The following COL25A1 variants were observed in gnomAD, a reference collection of about 807,000 sequenced individuals.
The protein encoded by COL25A1 is collagen type XXV alpha 1 chain.
COL25A1 carries 103 observed loss-of-function variants against 128.4 expected under a neutral mutation model. The observed-to-expected ratio is 0.80, with a 90% CI of 0.68 to 0.94. COL25A1 has a LOEUF of 0.94. Ranked by LOEUF, COL25A1 falls within the 40% of genes least tolerant of loss-of-function variation. The pLI, the probability that COL25A1 is intolerant of heterozygous loss-of-function variation, is 0.00. For synonymous variants in COL25A1, 279 were observed against 277.2 expected (o/e 1.01, Z -0.06); for missense variants, 745 against 840.0 (o/e 0.89, Z 1.40).
intron 3 of COL25A1, among the ~76,000 whole-genome samples, chr4:109,189,565 A>G (rs1243859497): frequency 6.6e-6 from 1 of 151,636 alleles, no homozygotes; most frequent in Non-Finnish European, 1.5e-5. Flanking sequence ...AAAAAAAAAA[A>G]AAAAAGATTT....
chr4:109,201,462 G>A (rs1271987877), intron 3 of COL25A1, among the ~76,000 whole-genome samples: 1 of 152,056 alleles, frequency 6.6e-6, no homozygotes, highest in Non-Finnish European at 1.5e-5. Context: ...AAAACACACA[G>A]CAAACTAAGA....
Position 108,937,846 on chromosome 4 carries a change from TA to T in COL25A1, c.673-4del. The T allele has an allele frequency of 6.2e-7, 1 of 1,602,930 alleles. No homozygotes were observed. On this transcript the variant is annotated splice_region_variant and splice_polypyrimidine_tract_variant and intron_variant, in intron 10 of 37. Coordinates refer to ENST00000399132, the MANE Select transcript of COL25A1 (RefSeq NM_198721.4). ...TCTCCTGGCTTTCCTGGTTCACCCT[TA>T]AAAAAGAATAGTGATAATTTTAGTA...
chr4:108,988,602 G>A (rs1454849751), intron 6 of COL25A1, among the ~76,000 whole-genome samples: 2 of 152,080 alleles, frequency 1.3e-5, no homozygotes, highest in East Asian at 3.9e-4. Context: ...TACATTTTTG[G>A]CTCCTGTTTC....
At chr4:108,994,816 C>T (rs1282771755) in intron 6 of COL25A1, among the ~76,000 whole-genome samples, 2 of 152,198 alleles carry the variant, frequency 1.3e-5, no homozygotes, top group African/African-American at 2.4e-5. Context: ...GCTAGTGATA[C>T]CCAGGCAAAC....
At chr4:109,245,309 G>GT (rs1404356383) in intron 3 of COL25A1, among the ~76,000 whole-genome samples, 1 of 152,160 alleles carries the variant, frequency 6.6e-6, no homozygotes, top group East Asian at 1.9e-4. Flanking sequence ...GGTCCTCTGG[G>GT]TTGGGACTGG....
intron 5 of COL25A1, among the ~76,000 whole-genome samples, chr4:109,038,888 C>T (rs1285563331): frequency 6.6e-6 from 1 of 152,150 alleles, no homozygotes; most frequent in Non-Finnish European, 1.5e-5. Context: ...TATAGTTCTT[C>T]CTTGAAACAG....
chr4:109,196,155 A>C (rs542491495), intron 3 of COL25A1, among the ~76,000 whole-genome samples: 38 of 152,302 alleles, frequency 2.5e-4, no homozygotes, highest in Admixed American at 2.1e-3. Flanking sequence ...AATAAAGATA[A>C]TGTACATCCA....
chr4:109,221,037 C>A (rs555344963), intron 3 of COL25A1, among the ~76,000 whole-genome samples: 1 of 152,060 alleles, frequency 6.6e-6, no homozygotes, highest in South Asian at 2.1e-4. Context: ...AGTTTCCCAA[C>A]CCTGCACAAT....
chr4:109,044,088 A>AGT (rs142400635), intron 5 of COL25A1, among the ~76,000 whole-genome samples: 1,976 of 149,664 alleles, frequency 0.013, 17 homozygotes, highest in South Asian at 0.033. Flanking sequence ...CTCCTCTGAT[A>AGT]GTGTGTGTGT....
chr4:108,953,304 T>C (rs912857014), intron 8 of COL25A1, among the ~76,000 whole-genome samples: 2 of 152,162 alleles, frequency 1.3e-5, no homozygotes, highest in African/African-American at 4.8e-5. Context: ...CCTCCTTTAG[T>C]TCAAATCCTA....
chr4:108,947,619 C>G (rs1461344670), intron 8 of COL25A1, among the ~76,000 whole-genome samples: 1 of 151,996 alleles, frequency 6.6e-6, no homozygotes, highest in Non-Finnish European at 1.5e-5. Context: ...AAAGGAGTGG[C>G]TATAGAAGCA....
chr4:109,170,683 T>A (rs889173103), intron 3 of COL25A1, among the ~76,000 whole-genome samples: 2 of 152,172 alleles, frequency 1.3e-5, no homozygotes, highest in Admixed American at 6.5e-5. Flanking sequence ...TTTTCTTACT[T>A]GAACTCAGTA....
chr4:108,814,397 CTCTA>C (rs1030027239), intron 37 of COL25A1, among the ~76,000 whole-genome samples: 1 of 152,158 alleles, frequency 6.6e-6, no homozygotes, highest in Non-Finnish European at 1.5e-5. Context: ...GACTCTAATC[CTCTA>C]TCTTCAGTTC....
chr4:109,210,219 T>C (rs1777386915), intron 3 of COL25A1, among the ~76,000 whole-genome samples: 3 of 152,094 alleles, frequency 2.0e-5, no homozygotes, highest in Non-Finnish European at 4.4e-5. Context: ...CCTACTAGTA[T>C]CAAAACAAAT....
chr4:109,244,603 C>T (rs568291229), intron 3 of COL25A1, among the ~76,000 whole-genome samples: 12 of 152,062 alleles, frequency 7.9e-5, no homozygotes, highest in Admixed American at 3.3e-4. Context: ...GAAAGGCAAC[C>T]GATCACTTTT....
chr4:109,134,345 T>A (rs1769505962), intron 3 of COL25A1, among the ~76,000 whole-genome samples: 1 of 152,032 alleles, frequency 6.6e-6, no homozygotes, highest in Non-Finnish European at 1.5e-5. Flanking sequence ...AGGAGAAAAT[T>A]GATAAGGGCT....
intron 31 of COL25A1, chr4:108,838,110 G>C: frequency 6.5e-7 from 1 of 1,549,308 alleles, no homozygotes; most frequent in Non-Finnish European, 8.7e-7. Flanking sequence ...GAAGACCAAG[G>C]GGTCCTCTGT....
chr4:108,952,335 A>ATT (rs962830592), intron 8 of COL25A1, among the ~76,000 whole-genome samples: 22 of 151,898 alleles, frequency 1.4e-4, no homozygotes, highest in African/African-American at 5.3e-4. Context: ...AACTGTGAAA[A>ATT]TTTTTTCTTT....
intron 3 of COL25A1, among the ~76,000 whole-genome samples, chr4:109,260,942 T>C (rs559979210): frequency 3.9e-5 from 6 of 152,316 alleles, no homozygotes; most frequent in Admixed American, 6.5e-5. Flanking sequence ...TTTATTTCTG[T>C]ATGTAAAAGT....
Sources: allele counts gnomAD v4.1 joint callset (sites outside exome capture counted in the v4.1 genomes callset), GRCh38; gene constraint gnomAD v4.1.1; transcripts MANE v1.5; gene names NCBI Gene and HGNC (gene_info 2026-07-23, HGNC 2026-07-21).